The following SNRPD3 variants were observed in gnomAD, a reference collection of about 807,000 sequenced individuals.
SNRPD3 encodes the protein small nuclear ribonucleoprotein D3 polypeptide.
For synonymous variants in SNRPD3, 66 were observed against 58.4 expected (o/e 1.13, Z -0.59); for missense variants, 73 against 167.5 (o/e 0.44, Z 3.11).
intron 2 of SNRPD3, 114 bp downstream of exon 2, chr22:24,557,914 A>G (rs2045095299): frequency 9.4e-7 from 1 of 1,063,982 alleles, no homozygotes; most frequent in Admixed American, 2.6e-5. Context: ...GTGATTTCCT[A>G]AGTGCCTAAT....
rs1485029639 is a variant in SNRPD3 at position 24,573,648 on chromosome 22, G to C, written c.*1671G>C. The stretch of plus-strand genomic sequence containing the variant: ...CCAGCACTTTGGGAGGTCGAGGCGG[G>C]AGGATCACTTGAACCTAGGAGTTTG... On this transcript the variant is annotated 3_prime_UTR_variant, in exon 4 of 4. Transcript: ENST00000215829. Among the ~76,000 whole-genome samples the C allele has an allele frequency of 1.3e-5, 2 of 152,220 alleles. No individual in the cohort carries two copies. The highest frequency in any genetic ancestry group is 4.8e-5 in the African/African-American group (2 of 41,458).
At chr22:24,563,172 A>G (rs927193436) in intron 2 of SNRPD3, among the ~76,000 whole-genome samples, 1 of 150,452 alleles carries the variant, frequency 6.6e-6, no homozygotes, top group Non-Finnish European at 1.5e-5. Context: ...GTTTGGGACC[A>G]CCCTGGGCAA....
chr22:24,574,111 CT>C lies in SNRPD3; in HGVS notation c.*2138del, dbSNP rs1008035027. ...TATAATCATTACTGAATTCATCATA[CT>C]TTTACAGTAAACAGTACTTACTTTG... On this transcript the variant is annotated 3_prime_UTR_variant, in exon 4 of 4. Transcript: ENST00000215829. Among the ~76,000 whole-genome samples, 18 of 152,162 alleles carry C rather than the reference CT, an allele frequency of 1.2e-4. No individual in the cohort carries two copies. Among genetic ancestry groups the C allele is most frequent in the Admixed American group, 3.3e-4 (5 of 15,274 alleles).
At chr22:24,557,463 CA>C (rs1273322495) in intron 1 of SNRPD3, among the ~76,000 whole-genome samples, 193 bp from the exon 2 acceptor site, 1 of 151,494 alleles carries the variant, frequency 6.6e-6, no homozygotes, top group African/African-American at 2.4e-5. Flanking sequence ...CCTCACCCCA[CA>C]TCTTGCACAT....
In SNRPD3 at chr22:24,574,251, C is replaced by T. The variant is rs1466636802; in HGVS notation, c.*2274C>T. Among the ~76,000 whole-genome samples the T allele has an allele frequency of 1.3e-5, 2 of 152,118 alleles. No homozygotes were observed. Among genetic ancestry groups the T allele is most frequent in the African/African-American group, 2.4e-5 (1 of 41,430 alleles). Reference sequence around the variant, plus strand: ...GAACACCAGCCTTGCAGATTCTCCACGCAATGGAAACTGGCTATAACCCTA... The same window carrying T: ...GAACACCAGCCTTGCAGATTCTCCATGCAATGGAAACTGGCTATAACCCTA... On this transcript the variant is annotated 3_prime_UTR_variant, in exon 4 of 4. Transcript: ENST00000215829.
chr22:24,561,616 C>T (rs973859530), intron 2 of SNRPD3, among the ~76,000 whole-genome samples: 50 of 152,332 alleles, frequency 3.3e-4, no homozygotes, highest in African/African-American at 1.2e-3. Context: ...GTGAGGCTTG[C>T]CTGTCCTTCC....
chr22:24,557,616 G>C, intron 1 of SNRPD3, 41 bp from the exon 2 acceptor site: 3 of 1,527,138 alleles, frequency 2.0e-6, no homozygotes, highest in Admixed American at 1.7e-5. Context: ...TGCCTTTTCA[G>C]ACTCTGAAAG....
rs769098625 is a variant in SNRPD3, at chr22:24,557,809, C to G, written c.126+9C>G. The G allele has an allele frequency of 5.6e-6, 9 of 1,603,208 alleles. No homozygotes were observed. On this transcript the variant is annotated intron_variant, in intron 2 of 3. Coordinates refer to ENST00000215829, the MANE Select transcript of SNRPD3 (RefSeq NM_004175.5). ...ACAACATGAACTGCCAGGTATTCTG[C>G]TTTGCATGTGAGGCTGTGTGGGAGG...
At chr22:24,560,090 A>ATTTTTT (rs71189257) in intron 2 of SNRPD3, among the ~76,000 whole-genome samples, 14,648 of 89,104 alleles carry the variant, frequency 0.16, 2,311 homozygotes, top group Non-Finnish European at 0.19. Context: ...TTTATAAAGA[A>ATTTTTT]TTTTTTTTTT....
At chr22:24,571,527 T>G (rs2045249291) in intron 3 of SNRPD3, among the ~76,000 whole-genome samples, 1 of 151,990 alleles carries the variant, frequency 6.6e-6, no homozygotes, top group South Asian at 2.1e-4. Flanking sequence ...TCACCTGAGG[T>G]CAGGAGTTTA....
chr22:24,556,493 G>A (rs926966471), intron 1 of SNRPD3, among the ~76,000 whole-genome samples: 7 of 151,916 alleles, frequency 4.6e-5, no homozygotes, highest in Admixed American at 2.0e-4. Flanking sequence ...TTACAGGCGT[G>A]AGCCACCGCG....
chr22:24,560,928 G>A (rs112817810), intron 2 of SNRPD3, among the ~76,000 whole-genome samples: 101 of 144,378 alleles, frequency 7.0e-4, no homozygotes, highest in African/African-American at 2.5e-3. Flanking sequence ...TAATAGAGAT[G>A]GAGGCTCATC....
At chr22:24,563,270 G>A (rs894276834) in intron 2 of SNRPD3, among the ~76,000 whole-genome samples, 3 of 148,414 alleles carry the variant, frequency 2.0e-5, no homozygotes, top group Non-Finnish European at 3.0e-5. Context: ...ATATATGTAT[G>A]TATATATATG....
chr22:24,555,885 G>A (rs2045050943), upstream of SNRPD3: 7 of 1,511,102 alleles, frequency 4.6e-6, no homozygotes, highest in African/African-American at 1.4e-5. Context: ...CAGCCGGCAG[G>A]CGGAGTGAGG....
chr22:24,567,256 G>A (rs1291326173), intron 2 of SNRPD3, among the ~76,000 whole-genome samples: 1 of 152,180 alleles, frequency 6.6e-6, no homozygotes, highest in African/African-American at 2.4e-5. Flanking sequence ...CAGTGCAGGG[G>A]AAGACAGTTT....
chr22:24,559,747 G>T (rs1229202077), intron 2 of SNRPD3, among the ~76,000 whole-genome samples: 1 of 152,102 alleles, frequency 6.6e-6, no homozygotes, highest in South Asian at 2.1e-4. Context: ...GACCAATGGT[G>T]GGGGACAGCC....
intron 2 of SNRPD3, among the ~76,000 whole-genome samples, chr22:24,563,651 C>A (rs1467578910): frequency 6.6e-6 from 1 of 152,188 alleles, no homozygotes; most frequent in Non-Finnish European, 1.5e-5. Flanking sequence ...CATTTCACTA[C>A]ATTCAAAATG....
chr22:24,561,491 C>T (rs1044938565), intron 2 of SNRPD3, among the ~76,000 whole-genome samples: 11 of 152,158 alleles, frequency 7.2e-5, no homozygotes, highest in African/African-American at 2.7e-4. Context: ...AGAGGCCTCA[C>T]TGGGTCTATC....
At chr22:24,558,160 C>A in intron 2 of SNRPD3, 1 of 164,730 alleles carries the variant, frequency 6.1e-6, no homozygotes, top group Non-Finnish European at 1.3e-5. Context: ...GCAGAATCTT[C>A]TCACCTACTG....
Sources: allele counts gnomAD v4.1 joint callset (sites outside exome capture counted in the v4.1 genomes callset), GRCh38; gene constraint gnomAD v4.1.1; transcripts MANE v1.5; gene names NCBI Gene and HGNC (gene_info 2026-07-23, HGNC 2026-07-21).